Variants in NEDD4L observed in about 807,000 individuals in gnomAD.
NEDD4L encodes the protein E3 ubiquitin-protein ligase NEDD4-like.
Under a neutral mutation model 148.9 loss-of-function variants are expected in NEDD4L, and 54 were observed. That is an observed-to-expected ratio of 0.36 (90% CI 0.29 to 0.45). The LOEUF is 0.45. Ranked by LOEUF, NEDD4L falls within the 20% of genes least tolerant of loss-of-function variation. NEDD4L has a pLI of 1.00. For synonymous variants in NEDD4L, 433 were observed against 440.7 expected (o/e 0.98, Z 0.22); for missense variants, 856 against 1,233.8 (o/e 0.69, Z 4.59).
chr18:58,230,032 T>A (rs1898347861), intron 2 of NEDD4L, among the ~76,000 whole-genome samples: 1 of 151,958 alleles, frequency 6.6e-6, no homozygotes. Flanking sequence ...CTTTTTCAGG[T>A]TGGAAAAATA....
chr18:58,138,030 C>T (rs2033050935), intron 1 of NEDD4L, among the ~76,000 whole-genome samples: 1 of 152,174 alleles, frequency 6.6e-6, no homozygotes, highest in African/African-American at 2.4e-5. Context: ...TGGGCAGGGC[C>T]CCGGGTCTGC....
intron 2 of NEDD4L, among the ~76,000 whole-genome samples, chr18:58,211,918 AG>A (rs1386672333): frequency 1.3e-5 from 2 of 152,198 alleles, no homozygotes; most frequent in African/African-American, 4.8e-5. Context: ...TTATCTGGAG[AG>A]GGGGTTGGGG....
intron 2 of NEDD4L, among the ~76,000 whole-genome samples, chr18:58,175,641 A>C (rs1463281839): frequency 6.6e-6 from 1 of 152,246 alleles, no homozygotes; most frequent in Non-Finnish European, 1.5e-5. Context: ...CCTGCACCAA[A>C]TAGCTTGTGC....
At chr18:58,275,814 C>G (rs1371451440) in intron 5 of NEDD4L, among the ~76,000 whole-genome samples, 1 of 152,142 alleles carries the variant, frequency 6.6e-6, no homozygotes, top group Non-Finnish European at 1.5e-5. Flanking sequence ...ACTTAACAAG[C>G]AGGAAGTCTG....
In NEDD4L at chr18:58,401,098, C is replaced by A. The variant is rs2147196153; in HGVS notation, c.*4829C>A. The A allele has an allele frequency of 6.6e-6, 1 of 152,146 alleles. No homozygotes were observed. Among genetic ancestry groups the A allele is most frequent in the South Asian group, 2.1e-4 (1 of 4,810 alleles). The allele number at this position is 152,146 out of a possible 1,614,324, so 9.4% of individuals were successfully genotyped here. On this transcript the variant is annotated 3_prime_UTR_variant, in exon 31 of 31. Transcript: ENST00000400345. The stretch of plus-strand genomic sequence containing the variant: ...TAGGAAGATGATGTTAATTTGCTGT[C>A]ATTTCCTAATTCAGGATCTATCATC...
At chr18:58,097,420 G>T (rs1182976645) in intron 1 of NEDD4L, among the ~76,000 whole-genome samples, 2 of 152,224 alleles carry the variant, frequency 1.3e-5, no homozygotes, top group African/African-American at 4.8e-5. Flanking sequence ...TTTAGTTGAA[G>T]TGATACAGCA....
At chr18:58,242,195 A>G (rs1363708082) in intron 2 of NEDD4L, among the ~76,000 whole-genome samples, 1 of 152,196 alleles carries the variant, frequency 6.6e-6, no homozygotes, top group Non-Finnish European at 1.5e-5. Context: ...TTGTAGCAGG[A>G]GTTGGGAGTC....
intron 1 of NEDD4L, among the ~76,000 whole-genome samples, chr18:58,063,040 T>TA (rs2082409597): frequency 4.2e-5 from 1 of 23,640 alleles, no homozygotes; most frequent in Non-Finnish European, 7.7e-5. Flanking sequence ...TTATTTGTTC[T>TA]TTTTTTTTTT....
chr18:58,306,283 G>A (rs2057048324), intron 5 of NEDD4L, among the ~76,000 whole-genome samples: 1 of 151,906 alleles, frequency 6.6e-6, no homozygotes, highest in South Asian at 2.1e-4. Flanking sequence ...AGATATCAGG[G>A]GTGGGGGAGA....
chr18:58,209,534 C>T (rs2042392444), intron 2 of NEDD4L, among the ~76,000 whole-genome samples: 1 of 114,954 alleles, frequency 8.7e-6, no homozygotes, highest in South Asian at 3.8e-4. Context: ...CCATTACTTA[C>T]TTGCCTTGTG....
intron 1 of NEDD4L, among the ~76,000 whole-genome samples, chr18:58,112,094 A>C (rs1420239802): frequency 6.6e-6 from 1 of 152,282 alleles, no homozygotes; most frequent in African/African-American, 2.4e-5. Flanking sequence ...ACTTGTGTAG[A>C]TTTATCCATG....
chr18:58,335,622 T>A (rs975327339), intron 13 of NEDD4L, 85 bp downstream of exon 13: 8 of 1,031,986 alleles, frequency 7.8e-6, no homozygotes, highest in African/African-American at 3.1e-5. Context: ...ATACGCTGTT[T>A]TTAAAAATAA....
chr18:58,310,087 T>C (rs78245653), intron 5 of NEDD4L, among the ~76,000 whole-genome samples: 14,155 of 152,264 alleles, frequency 0.093, 709 homozygotes, highest in Middle Eastern at 0.15. Flanking sequence ...AGTTTAACTT[T>C]TTAAACTTCA....
intron 2 of NEDD4L, among the ~76,000 whole-genome samples, chr18:58,182,509 C>CTTTTT (rs568506761): frequency 7.2e-5 from 8 of 111,444 alleles, no homozygotes; most frequent in Admixed American, 9.9e-5. Context: ...GCATTGATAC[C>CTTTTT]TTTTTTTTTT....
At chr18:58,074,586 A>G (rs2083068662) in intron 1 of NEDD4L, among the ~76,000 whole-genome samples, 2 of 151,708 alleles carry the variant, frequency 1.3e-5, no homozygotes, top group African/African-American at 4.8e-5. Context: ...AAGAATTTTT[A>G]AAATAAGTGA....
At chr18:58,268,379 G>A (rs181917632) in intron 5 of NEDD4L, among the ~76,000 whole-genome samples, 31 of 152,128 alleles carry the variant, frequency 2.0e-4, no homozygotes, top group African/African-American at 7.2e-4. Flanking sequence ...CCTAGATCTG[G>A]ACAAGGGAGG....
chr18:58,332,186 G>A (rs764949784), intron 11 of NEDD4L, among the ~76,000 whole-genome samples: 11 of 152,086 alleles, frequency 7.2e-5, no homozygotes, highest in Non-Finnish European at 1.6e-4. Context: ...TCATAAGTTA[G>A]CAATTCTAAT....
At chr18:58,146,913 G>A (rs2034155393) in intron 1 of NEDD4L, among the ~76,000 whole-genome samples, 1 of 152,196 alleles carries the variant, frequency 6.6e-6, no homozygotes, top group Non-Finnish European at 1.5e-5. Context: ...TGCTGGTGCT[G>A]AGGGGATGTG....
At chr18:58,081,848 G>A (rs535696120) in intron 1 of NEDD4L, among the ~76,000 whole-genome samples, 18 of 151,922 alleles carry the variant, frequency 1.2e-4, no homozygotes, top group African/African-American at 3.6e-4. Flanking sequence ...TAACAAATGC[G>A]TTTTGCATAG....
Sources: allele counts gnomAD v4.1 joint callset (sites outside exome capture counted in the v4.1 genomes callset), GRCh38; gene constraint gnomAD v4.1.1; transcripts MANE v1.5; gene names NCBI Gene and HGNC (gene_info 2026-07-23, HGNC 2026-07-21).